Variants in MARCO observed in about 807,000 individuals in gnomAD.
The protein encoded by MARCO is macrophage receptor with collagenous structure.
Under a neutral mutation model 70.0 loss-of-function variants are expected in MARCO, and 72 were observed. That is an observed-to-expected ratio of 1.03 (90% CI 0.85 to 1.25). The LOEUF (loss-of-function observed/expected upper bound fraction) is 1.25, where lower values mean the gene tolerates loss of function less well. Ranked by LOEUF, MARCO falls within the 50% of genes most tolerant of loss-of-function variation. The probability of loss-of-function intolerance (pLI) is 0.00; values close to 1 mark genes in which losing one functional copy is unlikely to be tolerated. For synonymous variants in MARCO, 273 were observed against 243.1 expected (o/e 1.12, Z -1.14); for missense variants, 696 against 659.3 (o/e 1.06, Z -0.61).
intron 1 of MARCO, among the ~76,000 whole-genome samples, chr2:118,952,355 C>G (rs1679738409): frequency 6.6e-6 from 1 of 152,154 alleles, no homozygotes; most frequent in South Asian, 2.1e-4. Context: ...GGCCGCTCCC[C>G]CAAGGGAGAA....
chr2:118,991,861 AC>A lies in MARCO; in HGVS notation c.1195del (p.Gln399ArgfsTer3). 1 of 1,597,288 alleles carries A rather than the reference AC, an allele frequency of 6.3e-7. No individual in the cohort carries two copies. The highest frequency in any genetic ancestry group is 8.5e-7 in the Non-Finnish European group (1 of 1,172,912). On this transcript the variant is annotated frameshift_variant, in exon 14 of 17. Coordinates refer to ENST00000327097, the MANE Select transcript of MARCO (RefSeq NM_006770.4). LOFTEE classifies it high-confidence loss of function. Reference sequence around the variant, plus strand: ...CCTGGACAAGCTGGCCAGAAGGGAGACCAGGGAGTGAAAGGTAAGGCCTCTG... The same window carrying A: ...CCTGGACAAGCTGGCCAGAAGGGAGACAGGGAGTGAAAGGTAAGGCCTCTG... ...GAPGQAGQKGDQGVKGSSGEQ... is the reference protein window; with the variant it reads ...GAPGQAGQKGXQGVKGSSGEQ...
chr2:118,966,152 T>C (rs1558835191), intron 1 of MARCO, among the ~76,000 whole-genome samples: 1 of 152,222 alleles, frequency 6.6e-6, no homozygotes. Flanking sequence ...GTGCAGGCTT[T>C]TTTTCTTCAC....
At chr2:118,949,709 T>C (rs940238833) in intron 1 of MARCO, 1 of 152,176 alleles carries the variant, frequency 6.6e-6, no homozygotes, top group African/African-American at 2.4e-5. Flanking sequence ...CAATGGCCCA[T>C]GATTCTGAGG....
At chr2:118,975,794 A>T (rs1056243517) in intron 6 of MARCO, among the ~76,000 whole-genome samples, 4 of 152,182 alleles carry the variant, frequency 2.6e-5, no homozygotes, top group Non-Finnish European at 4.4e-5. Context: ...GCATATACTC[A>T]TGCACACCCG....
intron 1 of MARCO, among the ~76,000 whole-genome samples, chr2:118,947,655 C>T (rs1679628600): frequency 6.6e-6 from 1 of 152,146 alleles, no homozygotes; most frequent in Admixed American, 6.5e-5. Flanking sequence ...AATTTGTGTG[C>T]ATCTCATTCT....
At chr2:118,985,645 G>A (rs1457258556) in intron 12 of MARCO, among the ~76,000 whole-genome samples, 1 of 152,260 alleles carries the variant, frequency 6.6e-6, no homozygotes, top group Non-Finnish European at 1.5e-5. Context: ...TTCAAAGATT[G>A]CAGAAGAATA....
At position 118,974,313 on chromosome 2, in the gene MARCO, T is replaced by A. The variant is rs762792881; in HGVS notation, c.461-20T>A. On this transcript the variant is annotated intron_variant, in intron 4 of 16. Transcript: ENST00000327097. ...CATCCTGTTGACTGACTCATTAGTG[T>A]CTCTGTTCCTCTTCCTCAGGTCTTC... 5 of 1,470,350 alleles carry A rather than the reference T, an allele frequency of 3.4e-6. No homozygotes were observed. The East Asian group carries it at 1.2e-4, about 34-fold the overall frequency. The allele number at this position is 1,470,350 out of a possible 1,614,324, so 91.1% of individuals were successfully genotyped here.
At chr2:118,967,321 G>A (rs931377751) in intron 1 of MARCO, among the ~76,000 whole-genome samples, 11 of 152,348 alleles carry the variant, frequency 7.2e-5, no homozygotes, top group Admixed American at 2.6e-4. Context: ...ATTGCCCCAA[G>A]TCAGAAGAAT....
At chr2:118,942,468 G>T (rs1171302060) in intron 1 of MARCO, 71 bp downstream of exon 1, 3 of 1,235,580 alleles carry the variant, frequency 2.4e-6, no homozygotes, top group African/African-American at 1.5e-5. Context: ...TACGAAAATA[G>T]ACAAGTCAAT....
intron 3 of MARCO, among the ~76,000 whole-genome samples, chr2:118,971,159 T>C (rs1680160688): frequency 6.6e-6 from 1 of 152,110 alleles, no homozygotes; most frequent in East Asian, 1.9e-4. Context: ...GTCTCTTCCT[T>C]CCTTGAAATG....
At chr2:118,970,612 A>G (rs1015206857) in intron 3 of MARCO, among the ~76,000 whole-genome samples, 1 of 152,126 alleles carries the variant, frequency 6.6e-6, no homozygotes, top group Non-Finnish European at 1.5e-5. Context: ...GGAGAGAGCA[A>G]CTGAAGGCAC....
intron 12 of MARCO, among the ~76,000 whole-genome samples, chr2:118,986,659 AGGAAGGAAGGAAGG>A (rs1319457098): frequency 2.0e-5 from 1 of 49,550 alleles, no homozygotes; most frequent in African/African-American, 1.3e-4. Context: ...GAAAGAAGGA[AGGAAGGAAGGAAGG>A]AAAGAAAGAA....
At chr2:118,991,273 T>C (rs1371219133) in intron 13 of MARCO, among the ~76,000 whole-genome samples, 1 of 151,918 alleles carries the variant, frequency 6.6e-6, no homozygotes, top group Non-Finnish European at 1.5e-5. Context: ...TTTTCAATTT[T>C]TTTAGAGACA....
intron 1 of MARCO, among the ~76,000 whole-genome samples, chr2:118,963,015 G>A (rs1400205447): frequency 5.3e-5 from 8 of 151,786 alleles, no homozygotes; most frequent in Admixed American, 5.2e-4. Context: ...TCTTGCTAGA[G>A]ATTTGCCAAT....
intron 1 of MARCO, among the ~76,000 whole-genome samples, chr2:118,942,896 A>G (rs924490024): frequency 3.3e-5 from 5 of 152,244 alleles, no homozygotes; most frequent in Non-Finnish European, 7.3e-5. Context: ...AAATATGTTC[A>G]TAGCTTCATA....
At chr2:118,961,100 T>G (rs1460159065) in intron 1 of MARCO, among the ~76,000 whole-genome samples, 1 of 152,242 alleles carries the variant, frequency 6.6e-6, no homozygotes, top group Non-Finnish European at 1.5e-5. Context: ...CAGTATTCCC[T>G]GGAGTAAATG....
At chr2:118,942,524 C>T in intron 1 of MARCO, 127 bp downstream of exon 1, 1 of 676,940 alleles carries the variant, frequency 1.5e-6, no homozygotes, top group Non-Finnish European at 2.6e-6. Context: ...ACGTAATCAT[C>T]ACTAATACTG....
At chr2:118,977,324 GA>G in intron 6 of MARCO, 146 bp from the exon 7 acceptor site, 2 of 582,276 alleles carry the variant, frequency 3.4e-6, no homozygotes, top group Non-Finnish European at 5.9e-6. Context: ...GAAAAAGAGA[GA>G]GAGAGAGAGA....
At chr2:118,954,720 G>C (rs12992514) in intron 1 of MARCO, among the ~76,000 whole-genome samples, 28,044 of 152,176 alleles carry the variant, frequency 0.18, 3,422 homozygotes, top group African/African-American at 0.33. Flanking sequence ...CTAAGAGGCC[G>C]TTAGTTGGTT....
Sources: gnomAD v4.1 joint callset for allele counts (sites outside exome capture counted in the v4.1 genomes callset) on GRCh38, gnomAD v4.1.1 for gene constraint, MANE v1.5 for transcripts, NCBI Gene and HGNC (gene_info 2026-07-23, HGNC 2026-07-21) for gene names.